CCSER1: variants seen among roughly 807,000 people sequenced by gnomAD.
The protein encoded by CCSER1 is serine-rich coiled-coil domain-containing protein 1.
Under a neutral mutation model 82.0 loss-of-function variants are expected in CCSER1, and 41 were observed. The ratio of observed to expected loss-of-function variants is 0.50; its 90% CI spans 0.39 to 0.65. CCSER1 has a LOEUF of 0.65. Among genes scored for constraint, CCSER1 ranks in the 30% least tolerant of loss-of-function variants. The pLI is 0.00. For missense variants in CCSER1, 1,119 were observed against 1,064.2 expected (o/e 1.05, Z -0.72); for synonymous variants, 414 against 383.9 (o/e 1.08, Z -0.92).
intron 10 of CCSER1, among the ~76,000 whole-genome samples, chr4:91,316,293 A>T (rs1369839433): frequency 3.9e-5 from 6 of 152,132 alleles, no homozygotes; most frequent in African/African-American, 1.4e-4. Context: ...TTATATTAGT[A>T]AATTCAAAGA....
intron 3 of CCSER1, among the ~76,000 whole-genome samples, chr4:90,352,755 CTG>C (rs1743717220): frequency 6.6e-6 from 1 of 151,982 alleles, no homozygotes; most frequent in African/African-American, 2.4e-5. Context: ...CATTGAATAA[CTG>C]TTTTTCCTGT....
chr4:90,551,478 C>T (rs1162993943), intron 5 of CCSER1, among the ~76,000 whole-genome samples: 2 of 151,872 alleles, frequency 1.3e-5, no homozygotes, highest in Non-Finnish European at 2.9e-5. Flanking sequence ...CCTTCCCCTT[C>T]CCATCTTTTG....
At chr4:91,348,093 T>C (rs1748191809) in intron 10 of CCSER1, among the ~76,000 whole-genome samples, 1 of 152,158 alleles carries the variant, frequency 6.6e-6, no homozygotes, top group Non-Finnish European at 1.5e-5. Flanking sequence ...CACTGTTAAG[T>C]ATGATGTTAG....
intron 10 of CCSER1, among the ~76,000 whole-genome samples, chr4:91,332,821 A>G (rs1747050486): frequency 6.6e-6 from 1 of 152,014 alleles, no homozygotes; most frequent in African/African-American, 2.4e-5. Context: ...TACTTTTTAT[A>G]TAAAAAGGCC....
chr4:91,264,393 C>A (rs1252381303), intron 10 of CCSER1, among the ~76,000 whole-genome samples: 3 of 151,760 alleles, frequency 2.0e-5, no homozygotes, highest in Non-Finnish European at 4.4e-5. Context: ...AGATATAGGG[C>A]ATTTTCTCCA....
chr4:90,904,688 G>A (rs1296083995), intron 8 of CCSER1, among the ~76,000 whole-genome samples: 2 of 152,114 alleles, frequency 1.3e-5, no homozygotes, highest in Non-Finnish European at 1.5e-5. Flanking sequence ...CAGAAAAGTA[G>A]CATGTTTGCA....
chr4:90,605,266 C>G (rs1784542959), intron 5 of CCSER1, among the ~76,000 whole-genome samples: 1 of 152,182 alleles, frequency 6.6e-6, no homozygotes, highest in African/African-American at 2.4e-5. Context: ...TTCTTGAAGT[C>G]AGCCAGACCA....
intron 1 of CCSER1, among the ~76,000 whole-genome samples, chr4:90,301,519 T>G (rs1733106608): frequency 6.6e-6 from 1 of 152,190 alleles, no homozygotes; most frequent in Non-Finnish European, 1.5e-5. Flanking sequence ...TGTAGTAGTA[T>G]TGTCTTCAAG....
At chr4:91,162,558 C>T (rs192014239) in intron 10 of CCSER1, among the ~76,000 whole-genome samples, 1 of 152,098 alleles carries the variant, frequency 6.6e-6, no homozygotes, top group Non-Finnish European at 1.5e-5. Context: ...TCCGTCTGGT[C>T]CCGGACTTTT....
intron 3 of CCSER1, among the ~76,000 whole-genome samples, chr4:90,326,872 G>A (rs1458394041): frequency 1.3e-5 from 2 of 152,246 alleles, no homozygotes; most frequent in East Asian, 1.9e-4. Flanking sequence ...TTGTACAGGA[G>A]GAGCCATCTC....
intron 10 of CCSER1, among the ~76,000 whole-genome samples, chr4:91,466,008 C>T (rs906342493): frequency 2.6e-5 from 4 of 152,168 alleles, no homozygotes; most frequent in Non-Finnish European, 5.9e-5. Context: ...TTTTATGAGG[C>T]CAGCATCATC....
At chr4:91,316,264 T>A (rs72879032) in intron 10 of CCSER1, among the ~76,000 whole-genome samples, 14,009 of 151,966 alleles carry the variant, frequency 0.092, 984 homozygotes, top group East Asian at 0.22. Flanking sequence ...TTTTTATATT[T>A]TAGGTTTATG....
At chr4:91,531,129 A>G (rs965417598) in intron 10 of CCSER1, among the ~76,000 whole-genome samples, 8 of 152,216 alleles carry the variant, frequency 5.3e-5, no homozygotes, top group Admixed American at 1.3e-4. Flanking sequence ...GTAATTAGAC[A>G]AAGACATTGG....
intron 1 of CCSER1, among the ~76,000 whole-genome samples, chr4:90,289,040 C>T (rs1341263190): frequency 6.6e-6 from 1 of 151,944 alleles, no homozygotes; most frequent in East Asian, 1.9e-4. Flanking sequence ...CTCTCCTCCT[C>T]TCTCCCTTTG....
intron 10 of CCSER1, among the ~76,000 whole-genome samples, chr4:91,365,700 A>G (rs1490318827): frequency 8.5e-5 from 13 of 152,174 alleles, no homozygotes; most frequent in African/African-American, 2.9e-4. Context: ...TAGGGAGTCA[A>G]TACTAATTGT....
intron 8 of CCSER1, among the ~76,000 whole-genome samples, chr4:90,868,355 C>G (rs1354804740): frequency 6.6e-6 from 1 of 152,020 alleles, no homozygotes; most frequent in Non-Finnish European, 1.5e-5. Flanking sequence ...CACCTTACTA[C>G]CCTCTCCAGC....
At chr4:90,507,188 A>G (rs532438868) in intron 5 of CCSER1, among the ~76,000 whole-genome samples, 74 of 152,318 alleles carry the variant, frequency 4.9e-4, no homozygotes, top group African/African-American at 1.6e-3. Context: ...AGCAGTGATT[A>G]CTTCTTTCCT....
Position 90,309,049 on chromosome 4 carries a change from G to A in CCSER1, c.765G>A (p.Gln255=). The A allele has an allele frequency of 6.2e-7, 1 of 1,613,788 alleles. No individual in the cohort carries two copies. The highest frequency in any genetic ancestry group is 8.5e-7 in the Non-Finnish European group (1 of 1,179,836). ...TTTCTGCTGATCTTACCACAGCTCA[G>A]ACACCTTCAGAATTTTTAGCCTTGA... ...PLLSADLTTA[Q]TPSEFLALTE... Residue 255 remains glutamine (Q), a synonymous_variant, in exon 2 of 11, where the codon CAG becomes CAA. Transcript: ENST00000509176.
At chr4:90,978,853 C>A (rs1472529805) in intron 9 of CCSER1, among the ~76,000 whole-genome samples, 1 of 151,736 alleles carries the variant, frequency 6.6e-6, no homozygotes, top group Non-Finnish European at 1.5e-5. Context: ...TATAAAATTT[C>A]ACTTCAAAAA....
Sources: allele counts gnomAD v4.1 joint callset (sites outside exome capture counted in the v4.1 genomes callset), GRCh38; gene constraint gnomAD v4.1.1; transcripts MANE v1.5; gene names NCBI Gene and HGNC (gene_info 2026-07-23, HGNC 2026-07-21).